The following KIF5C variants were observed in gnomAD, a reference collection of about 807,000 sequenced individuals.
KIF5C encodes kinesin heavy chain isoform 5C.
A neutral mutation model predicts 125.2 loss-of-function variants in KIF5C; 18 were observed. The observed-to-expected ratio is 0.14, with a 90% CI of 0.10 to 0.21. KIF5C has a LOEUF of 0.21. KIF5C is among the 10% of genes least tolerant of loss of function. The pLI, the probability that KIF5C is intolerant of heterozygous loss-of-function variation, is 1.00. For missense variants in KIF5C, 780 were observed against 1,183.8 expected (o/e 0.66, Z 5.01); for synonymous variants, 405 against 434.0 (o/e 0.93, Z 0.83).
At chr2:148,960,869 A>AT (rs1162685130) in intron 10 of KIF5C, among the ~76,000 whole-genome samples, 2 of 152,338 alleles carry the variant, frequency 1.3e-5, no homozygotes, top group African/African-American at 4.8e-5. Context: ...GATATCACAT[A>AT]TTTTTTAATG....
At chr2:149,002,595 TC>T (rs1288901737) in intron 21 of KIF5C, among the ~76,000 whole-genome samples, 1 of 152,068 alleles carries the variant, frequency 6.6e-6, no homozygotes, top group Non-Finnish European at 1.5e-5. Flanking sequence ...ACACAATCAC[TC>T]TCGTGCAGTT....
intron 11 of KIF5C, among the ~76,000 whole-genome samples, chr2:148,970,807 C>A (rs534387597): frequency 2.0e-5 from 3 of 152,222 alleles, no homozygotes; most frequent in Non-Finnish European, 4.4e-5. Flanking sequence ...ACACACTGGG[C>A]AGCTCCTTAG....
chr2:148,950,771 T>C (rs1168075939), intron 10 of KIF5C, among the ~76,000 whole-genome samples: 2 of 149,518 alleles, frequency 1.3e-5, no homozygotes, highest in African/African-American at 5.0e-5. Flanking sequence ...ATCATACCAC[T>C]GCACTCCAGC....
intron 3 of KIF5C, 146 bp from the exon 4 acceptor site, chr2:148,937,138 G>A: frequency 8.4e-7 from 1 of 1,193,524 alleles, no homozygotes; most frequent in South Asian, 1.6e-5. Flanking sequence ...GGCAAGTCAG[G>A]TAGATGCCCA....
chr2:148,905,918 A>G (rs1374424518), intron 1 of KIF5C, among the ~76,000 whole-genome samples: 4 of 152,198 alleles, frequency 2.6e-5, no homozygotes, highest in Non-Finnish European at 5.9e-5. Context: ...TCCTCTCTGT[A>G]AACCCATCAG....
At chr2:148,946,264 G>A (rs1353254469) in intron 7 of KIF5C, among the ~76,000 whole-genome samples, 1 of 152,182 alleles carries the variant, frequency 6.6e-6, no homozygotes, top group South Asian at 2.1e-4. Flanking sequence ...GATTGCTGGT[G>A]AAGGCTGAAT....
intron 3 of KIF5C, among the ~76,000 whole-genome samples, chr2:148,932,478 G>A (rs1445603368): frequency 1.3e-5 from 2 of 152,196 alleles, no homozygotes; most frequent in Non-Finnish European, 2.9e-5. Context: ...GCTAAGCTCG[G>A]TGGACACCAC....
At chr2:148,942,034 G>A (rs780060876) in intron 6 of KIF5C, 44 bp downstream of exon 6, 2 of 1,598,536 alleles carry the variant, frequency 1.3e-6, no homozygotes, top group East Asian at 2.2e-5. Context: ...TTTCTCTCCA[G>A]TCTCTGTCAT....
chr2:149,009,973 C>G (rs1682135168), intron 23 of KIF5C, among the ~76,000 whole-genome samples, 162 bp from the exon 24 acceptor site: 1 of 152,180 alleles, frequency 6.6e-6, no homozygotes, highest in Admixed American at 6.5e-5. Context: ...GAACCTGGAC[C>G]CCACAGTCTG....
intron 1 of KIF5C, among the ~76,000 whole-genome samples, chr2:148,898,693 G>T (rs775432383): frequency 1.3e-5 from 2 of 152,202 alleles, no homozygotes; most frequent in Admixed American, 6.5e-5. Flanking sequence ...ATCTCTCCTA[G>T]AGCCTCCAGG....
chr2:148,985,894 A>G (rs531361751), intron 15 of KIF5C, among the ~76,000 whole-genome samples: 27 of 152,340 alleles, frequency 1.8e-4, no homozygotes, highest in African/African-American at 6.3e-4. Flanking sequence ...GTAACTGATT[A>G]TTTCATAAAT....
chr2:148,956,265 T>A (rs902149072), intron 10 of KIF5C, among the ~76,000 whole-genome samples: 2 of 152,174 alleles, frequency 1.3e-5, no homozygotes, highest in Non-Finnish European at 2.9e-5. Context: ...AAACTGCAAA[T>A]TCAGTGATGG....
chr2:149,015,799 C>A (rs185083122), intron 25 of KIF5C, among the ~76,000 whole-genome samples: 1 of 152,164 alleles, frequency 6.6e-6, no homozygotes, highest in South Asian at 2.1e-4. Context: ...GGTTTCCTAC[C>A]GGCTAAGTGG....
chr2:148,890,733 A>G (rs1420062998), intron 1 of KIF5C, among the ~76,000 whole-genome samples: 1 of 152,162 alleles, frequency 6.6e-6, no homozygotes, highest in Non-Finnish European at 1.5e-5. Flanking sequence ...TTCTCCTTAA[A>G]TGTTGTGTCT....
chr2:148,891,449 C>T (rs1176361400), intron 1 of KIF5C, among the ~76,000 whole-genome samples: 1 of 151,888 alleles, frequency 6.6e-6, no homozygotes, highest in Non-Finnish European at 1.5e-5. Flanking sequence ...CAAATCTAGG[C>T]ATTAATGTGT....
chr2:148,999,386 C>CT (rs1298188942), intron 19 of KIF5C, among the ~76,000 whole-genome samples: 1 of 152,168 alleles, frequency 6.6e-6, no homozygotes, highest in Non-Finnish European at 1.5e-5. Flanking sequence ...TGGAGTTAGA[C>CT]TTTAATTCTC....
At chr2:148,880,224 A>T (rs1334147132) in intron 1 of KIF5C, among the ~76,000 whole-genome samples, 1 of 152,068 alleles carries the variant, frequency 6.6e-6, no homozygotes, top group Non-Finnish European at 1.5e-5. Context: ...GGGTTCAAGC[A>T]ATTCTCCTGC....
At chr2:149,010,022 G>A in intron 23 of KIF5C, 113 bp from the exon 24 acceptor site, 2 of 1,439,130 alleles carry the variant, frequency 1.4e-6, no homozygotes, top group South Asian at 1.5e-5. Flanking sequence ...GGAGTGCCAA[G>A]GACAACCTAG....
chr2:148,928,399 C>T (rs1368569884), intron 2 of KIF5C, among the ~76,000 whole-genome samples: 1 of 152,158 alleles, frequency 6.6e-6, no homozygotes, highest in Non-Finnish European at 1.5e-5. Context: ...TGCATTGTTC[C>T]TCTTCCAGTG....
Sources: gnomAD v4.1 joint callset for allele counts (sites outside exome capture counted in the v4.1 genomes callset) on GRCh38, gnomAD v4.1.1 for gene constraint, MANE v1.5 for transcripts, NCBI Gene and HGNC (gene_info 2026-07-23, HGNC 2026-07-21) for gene names.